ROBO2: variants seen among roughly 807,000 people sequenced by gnomAD.
ROBO2 encodes the protein roundabout guidance receptor 2, also known as roundabout homolog 2.
A neutral mutation model predicts 160.8 loss-of-function variants in ROBO2; 53 were observed. The observed-to-expected ratio is 0.33, with a 90% CI of 0.26 to 0.41. The LOEUF (loss-of-function observed/expected upper bound fraction) is 0.41, where lower values mean the gene tolerates loss of function less well. Among genes scored for constraint, ROBO2 ranks in the 10% least tolerant of loss-of-function variants. The pLI is 1.00. For missense variants in ROBO2, 1,577 were observed against 1,722.4 expected (o/e 0.92, Z 1.49); for synonymous variants, 664 against 611.7 (o/e 1.09, Z -1.26).
At chr3:76,935,691 C>A (rs1375222743) in intron 2 of ROBO2, among the ~76,000 whole-genome samples, 1 of 152,152 alleles carries the variant, frequency 6.6e-6, no homozygotes, top group Non-Finnish European at 1.5e-5. Flanking sequence ...ACAGATGGTG[C>A]CTTCTAGCTG....
chr3:76,917,579 G>T (rs1211367296), intron 2 of ROBO2, among the ~76,000 whole-genome samples: 1 of 152,168 alleles, frequency 6.6e-6, no homozygotes, highest in African/African-American at 2.4e-5. Flanking sequence ...GAAGAGCGCA[G>T]TTTGTTTTTG....
At chr3:77,473,960 T>C (rs1312970023) in intron 2 of ROBO2, among the ~76,000 whole-genome samples, 1 of 152,124 alleles carries the variant, frequency 6.6e-6, no homozygotes, top group Non-Finnish European at 1.5e-5. Flanking sequence ...TCTGTGTCTC[T>C]TGAAGCACAG....
In ROBO2 at chr3:77,644,689, T is replaced by C. The variant is rs141982294; in HGVS notation, c.3935-15T>C. On this transcript the variant is annotated splice_polypyrimidine_tract_variant and intron_variant, in intron 24 of 25. Coordinates refer to ENST00000461745, the Ensembl canonical transcript of ROBO2. ...TTCTGTTCAATTTAGCCTTTGGGTT[T>C]TTTTTCTTTTTCAGAGGAGGCCTTG... is the stretch of plus-strand genomic sequence containing the variant. 22 of 1,613,744 alleles carry C rather than the reference T, an allele frequency of 1.4e-5. No individual in the cohort carries two copies. Among genetic ancestry groups the C allele is most frequent in the Admixed American group, 1.7e-5 (1 of 59,990 alleles).
chr3:77,352,757 G>A (rs2068532299), intron 2 of ROBO2, among the ~76,000 whole-genome samples: 1 of 152,086 alleles, frequency 6.6e-6, no homozygotes, highest in Admixed American at 6.6e-5. Flanking sequence ...AGTCACCAGT[G>A]GGAATGAAGT....
intron 2 of ROBO2, among the ~76,000 whole-genome samples, chr3:77,234,249 C>T (rs2087630136): frequency 6.6e-6 from 1 of 152,136 alleles, no homozygotes; most frequent in Non-Finnish European, 1.5e-5. Flanking sequence ...GATTCTTCCC[C>T]CTCCCATCTC....
At chr3:76,024,016 A>T (rs956217712) in intron 2 of ROBO2, among the ~76,000 whole-genome samples, 6 of 151,536 alleles carry the variant, frequency 4.0e-5, no homozygotes, top group African/African-American at 1.2e-4. Flanking sequence ...TATATATTTC[A>T]TAGGTTTTAT....
chr3:77,281,740 G>A (rs1463300498), intron 2 of ROBO2, among the ~76,000 whole-genome samples: 1 of 152,156 alleles, frequency 6.6e-6, no homozygotes, highest in Non-Finnish European at 1.5e-5. Flanking sequence ...TTCCATGGAT[G>A]GTGCAGGGGA....
At chr3:77,449,197 T>G (rs549939419) in intron 2 of ROBO2, among the ~76,000 whole-genome samples, 1 of 152,146 alleles carries the variant, frequency 6.6e-6, no homozygotes, top group Admixed American at 6.5e-5. Flanking sequence ...TTAATTAAAA[T>G]TTTCCAAAGA....
Position 77,580,617 on chromosome 3 carries a change from T to G in ROBO2, c.2500+499T>G, listed in dbSNP as rs112392534. On this transcript the variant is annotated intron_variant, in intron 16 of 25. Coordinates refer to ENST00000461745, the Ensembl canonical transcript of ROBO2. ...AAAATTGTTCCCTCTTATCATAGAT[T>G]ATGTTTGTCTGTTCTTGAGATGTAT... Among the ~76,000 whole-genome samples the G allele has an allele frequency of 9.7e-3, 1,474 of 152,232 alleles. 33 individuals carry two copies. Among genetic ancestry groups the G allele is most frequent in the African/African-American group, 0.034 (1,418 of 41,552 alleles).
At chr3:77,579,492 T>C (rs538045371) in intron 15 of ROBO2, among the ~76,000 whole-genome samples, 9 of 152,316 alleles carry the variant, frequency 5.9e-5, no homozygotes, top group Non-Finnish European at 1.2e-4. Context: ...TCTACCTATA[T>C]ACCTTAGATA....
chr3:77,563,730 C>T (rs1483871723), intron 11 of ROBO2, among the ~76,000 whole-genome samples: 1 of 151,974 alleles, frequency 6.6e-6, no homozygotes, highest in Non-Finnish European at 1.5e-5. Context: ...ATTTATATTC[C>T]TAATAATTAG....
intron 2 of ROBO2, among the ~76,000 whole-genome samples, chr3:76,305,245 G>T (rs1018913721): frequency 1.5e-4 from 23 of 151,740 alleles, no homozygotes; most frequent in Admixed American, 1.1e-3. Flanking sequence ...AGAAAAATTA[G>T]CCAGGTGCAG....
chr3:76,758,685 G>C (rs952961460), intron 2 of ROBO2, among the ~76,000 whole-genome samples: 1 of 151,762 alleles, frequency 6.6e-6, no homozygotes, highest in Non-Finnish European at 1.5e-5. Context: ...ATGATCAAAG[G>C]TGATCTACAA....
intron 2 of ROBO2, among the ~76,000 whole-genome samples, chr3:76,157,189 A>T (rs562020253): frequency 6.6e-5 from 10 of 152,300 alleles, no homozygotes; most frequent in African/African-American, 1.4e-4. Flanking sequence ...GTATGCATCC[A>T]TTGAACTTTA....
At chr3:76,773,151 TAATC>T (rs999089160) in intron 2 of ROBO2, among the ~76,000 whole-genome samples, 2 of 151,236 alleles carry the variant, frequency 1.3e-5, no homozygotes, top group Admixed American at 6.6e-5. Context: ...CAAAACCTCT[TAATC>T]AATAATAAAA....
At chr3:76,932,546 C>T (rs988237443) in intron 2 of ROBO2, among the ~76,000 whole-genome samples, 4 of 151,924 alleles carry the variant, frequency 2.6e-5, no homozygotes, top group Non-Finnish European at 4.4e-5. Flanking sequence ...CTTTTGGACT[C>T]CAAAGCCTAT....
At chr3:76,477,811 A>G (rs977735040) in intron 2 of ROBO2, among the ~76,000 whole-genome samples, 5 of 152,056 alleles carry the variant, frequency 3.3e-5, no homozygotes, top group African/African-American at 1.2e-4. Flanking sequence ...ACTAAAAAAA[A>G]ATCTCCACAG....
intron 4 of ROBO2, among the ~76,000 whole-genome samples, chr3:77,481,915 C>T (rs535548218): frequency 1.2e-4 from 19 of 152,068 alleles, no homozygotes; most frequent in African/African-American, 4.3e-4. Context: ...AAGGAAAATA[C>T]TGCAGGGCAG....
chr3:76,173,507 TC>T (rs2073118540), intron 2 of ROBO2, among the ~76,000 whole-genome samples: 1 of 151,024 alleles, frequency 6.6e-6, no homozygotes, highest in Non-Finnish European at 1.5e-5. Flanking sequence ...ATGCTCTCCC[TC>T]CCCTTGACCC....
Sources: gnomAD v4.1 joint callset for allele counts (sites outside exome capture counted in the v4.1 genomes callset) on GRCh38, gnomAD v4.1.1 for gene constraint, MANE v1.5 for transcripts, NCBI Gene and HGNC (gene_info 2026-07-23, HGNC 2026-07-21) for gene names.